The following DLG2 variants were observed in gnomAD, a reference collection of about 807,000 sequenced individuals.
DLG2 encodes the protein discs large MAGUK scaffold protein 2.
Under a neutral mutation model 132.5 loss-of-function variants are expected in DLG2, and 45 were observed. The ratio of observed to expected loss-of-function variants is 0.34; its 90% CI spans 0.27 to 0.44. The LOEUF is 0.44. Among genes scored for constraint, DLG2 ranks in the 20% least tolerant of loss-of-function variants. DLG2 has a pLI of 1.00. For missense variants in DLG2, 1,045 were observed against 1,196.9 expected (o/e 0.87, Z 1.87); for synonymous variants, 424 against 419.6 (o/e 1.01, Z -0.13).
At chr11:84,038,249 C>T (rs2095929944) in intron 11 of DLG2, among the ~76,000 whole-genome samples, 1 of 151,742 alleles carries the variant, frequency 6.6e-6, no homozygotes, top group African/African-American at 2.4e-5. Flanking sequence ...AAATATGCAT[C>T]TAACAAAGGT....
intron 6 of DLG2, among the ~76,000 whole-genome samples, chr11:84,934,513 T>G (rs1230075285): frequency 3.0e-5 from 2 of 66,044 alleles, no homozygotes; most frequent in African/African-American, 1.6e-4. Context: ...TGTTTTTTTT[T>G]TGTTTTGTTT....
At chr11:84,953,311 A>AC (rs1340794167) in intron 6 of DLG2, among the ~76,000 whole-genome samples, 1 of 152,112 alleles carries the variant, frequency 6.6e-6, no homozygotes, top group African/African-American at 2.4e-5. Context: ...AAACACAATG[A>AC]CACAGTCAAG....
intron 3 of DLG2, among the ~76,000 whole-genome samples, chr11:85,307,030 G>A (rs182051576): frequency 6.6e-6 from 1 of 152,292 alleles, no homozygotes; most frequent in East Asian, 1.9e-4. Context: ...AAGGAGGGGG[G>A]ATGAAAAATA....
rs530292489 is a variant in DLG2 at position 84,803,482 on chromosome 11, G to A, written c.358-268751C>T. Reference sequence around the variant, plus strand: ...TTGATATGAGGGCCCTGAAAACGCAGTAAGTTATATATTTCTGATAAGCAC... The same window carrying A: ...TTGATATGAGGGCCCTGAAAACGCAATAAGTTATATATTTCTGATAAGCAC... On this transcript the variant is annotated intron_variant, in intron 6 of 27. Coordinates refer to ENST00000376104, the MANE Select transcript of DLG2 (RefSeq NM_001142699.3). Among the ~76,000 whole-genome samples the A allele has an allele frequency of 1.2e-4, 19 of 152,274 alleles. No homozygotes were observed. The South Asian group carries it at 3.7e-3, about 30-fold the overall frequency.
chr11:84,018,826 A>C (rs1461265942), intron 11 of DLG2, among the ~76,000 whole-genome samples: 2 of 152,060 alleles, frequency 1.3e-5, no homozygotes, highest in African/African-American at 2.4e-5. Context: ...AAATTAAAGA[A>C]GACTGAAAAG....
chr11:85,606,970 G>C (rs1287725933), intron 2 of DLG2, among the ~76,000 whole-genome samples: 1 of 152,122 alleles, frequency 6.6e-6, no homozygotes, highest in African/African-American at 2.4e-5. Context: ...CTCACCACGA[G>C]GGTCCACAGC....
At chr11:83,999,384 C>T (rs1351095188) in intron 11 of DLG2, among the ~76,000 whole-genome samples, 3 of 152,178 alleles carry the variant, frequency 2.0e-5, no homozygotes, top group Non-Finnish European at 1.5e-5. Flanking sequence ...CAGCCCATCA[C>T]AGCCACTGCC....
intron 11 of DLG2, among the ~76,000 whole-genome samples, chr11:83,993,605 T>C (rs2093850191): frequency 6.6e-6 from 1 of 152,198 alleles, no homozygotes; most frequent in South Asian, 2.1e-4. Context: ...TGATAGAATG[T>C]GATTAGATGC....
intron 3 of DLG2, among the ~76,000 whole-genome samples, chr11:85,522,587 C>T (rs2074401247): frequency 6.6e-6 from 1 of 152,176 alleles, no homozygotes; most frequent in African/African-American, 2.4e-5. Context: ...GCAGCTAGGG[C>T]AGGAGGCTGT....
intron 3 of DLG2, among the ~76,000 whole-genome samples, chr11:85,510,734 A>G (rs1419495612): frequency 1.5e-4 from 23 of 152,100 alleles, no homozygotes; most frequent in Admixed American, 1.1e-3. Context: ...AGGTGCTGGA[A>G]AGGATGTGGA....
chr11:84,923,015 A>G, intron 6 of DLG2: 1 of 1,598,442 alleles, frequency 6.3e-7, no homozygotes, highest in Non-Finnish European at 8.6e-7. Context: ...CACAAGGTAG[A>G]CATTTTCTGC....
intron 6 of DLG2, among the ~76,000 whole-genome samples, chr11:84,746,541 G>A (rs1254194860): frequency 6.6e-6 from 1 of 151,968 alleles, no homozygotes; most frequent in Non-Finnish European, 1.5e-5. Context: ...ACTTAACTCT[G>A]AGGCTCAGTT....
chr11:84,878,689 G>T (rs770503476), intron 6 of DLG2, among the ~76,000 whole-genome samples: 4 of 151,918 alleles, frequency 2.6e-5, no homozygotes, highest in Non-Finnish European at 4.4e-5. Flanking sequence ...ATGTATACCA[G>T]AACTTAAAGT....
intron 6 of DLG2, among the ~76,000 whole-genome samples, chr11:84,816,161 C>G (rs564040812): frequency 6.6e-6 from 1 of 152,064 alleles, no homozygotes; most frequent in African/African-American, 2.4e-5. Context: ...TTGCTCCATA[C>G]GTTTTCTGCC....
chr11:84,628,625 T>C (rs550526363), intron 6 of DLG2, among the ~76,000 whole-genome samples: 4 of 152,324 alleles, frequency 2.6e-5, no homozygotes, highest in South Asian at 2.1e-4. Flanking sequence ...CACCTGGATA[T>C]ACTTCAAGTC....
intron 6 of DLG2, among the ~76,000 whole-genome samples, chr11:84,564,599 TCTAA>T (rs888421577): frequency 2.0e-5 from 3 of 152,222 alleles, no homozygotes; most frequent in Admixed American, 6.5e-5. Context: ...CATAATGTCG[TCTAA>T]CTAATATTTA....
At chr11:84,624,450 T>G (rs1483457810) in intron 6 of DLG2, among the ~76,000 whole-genome samples, 4 of 152,152 alleles carry the variant, frequency 2.6e-5, no homozygotes, top group African/African-American at 9.7e-5. Context: ...CTGTCATGAT[T>G]ATTTATATTA....
At chr11:84,505,232 T>C (rs1055740093) in intron 7 of DLG2, among the ~76,000 whole-genome samples, 8 of 152,164 alleles carry the variant, frequency 5.3e-5, no homozygotes, top group African/African-American at 1.7e-4. Context: ...GTATAAGGTA[T>C]CATAATATAA....
intron 7 of DLG2, among the ~76,000 whole-genome samples, chr11:84,490,747 G>A (rs1481257077): frequency 6.6e-6 from 1 of 150,860 alleles, no homozygotes; most frequent in Non-Finnish European, 1.5e-5. Flanking sequence ...AGAAACATAT[G>A]AACCTATGAG....
Sources: gnomAD v4.1 joint callset for allele counts (sites outside exome capture counted in the v4.1 genomes callset) on GRCh38, gnomAD v4.1.1 for gene constraint, MANE v1.5 for transcripts, NCBI Gene and HGNC (gene_info 2026-07-23, HGNC 2026-07-21) for gene names.